STPG2: variants seen among roughly 807,000 people sequenced by gnomAD.
STPG2 encodes the protein sperm tail PG-rich repeat containing 2.
In STPG2, 56 loss-of-function variants were observed where a neutral mutation model predicts 54.2. That is an observed-to-expected ratio of 1.03 (90% CI 0.83 to 1.29). The LOEUF (loss-of-function observed/expected upper bound fraction) is 1.29. Among genes scored for constraint, STPG2 ranks in the 50% most tolerant of loss-of-function variants. STPG2 has a pLI of 0.00. For missense variants in STPG2, 596 were observed against 544.9 expected, an observed-to-expected ratio of 1.09 and a Z score of -0.93; for synonymous variants, 200 against 181.8, an observed-to-expected ratio of 1.10 and a Z score of -0.81.
chr4:97,662,260 C>T lies in STPG2; in HGVS notation c.1320+50439G>A, dbSNP rs544685232. Reference sequence around the variant, plus strand: ...TCTCAAAAGAAGACACACAAGCAGCCAACAAACATGAAAAAAATGCTCGAC... The same window carrying T: ...TCTCAAAAGAAGACACACAAGCAGCTAACAAACATGAAAAAAATGCTCGAC... On this transcript the variant is annotated intron_variant, in intron 10 of 10. Transcript: ENST00000295268. Among the ~76,000 whole-genome samples, 3 of 151,982 alleles carry T rather than the reference C, an allele frequency of 2.0e-5. No individual in the cohort carries two copies. In the South Asian group the frequency reaches 6.2e-4, roughly 32 times the overall value.
At chr4:97,545,638 C>G (rs1344525180) in intron 4 of STPG2, among the ~76,000 whole-genome samples, 3 of 151,946 alleles carry the variant, frequency 2.0e-5, no homozygotes, top group African/African-American at 7.3e-5. Context: ...CTATTCAATA[C>G]TTTCGTTAAT....
chr4:97,860,534 C>T (rs980177051), intron 8 of STPG2, among the ~76,000 whole-genome samples: 1 of 139,682 alleles, frequency 7.2e-6, no homozygotes, highest in Admixed American at 7.2e-5. Context: ...TATTTTATTG[C>T]AACTGTTGTA....
chr4:98,130,591 T>C (rs1468459792), intron 2 of STPG2, among the ~76,000 whole-genome samples: 1 of 152,134 alleles, frequency 6.6e-6, no homozygotes, highest in African/African-American at 2.4e-5. Context: ...CTTTCCCTCC[T>C]TTCCATATAT....
Position 98,128,605 on chromosome 4 carries a change from C to A in STPG2, c.223-13G>T. 1.3e-6 allele frequency: 2 copies of A among 1,549,248 alleles called. No homozygotes were observed. Among genetic ancestry groups the A allele is most frequent in the Admixed American group, 2.0e-5 (1 of 50,068 alleles). On this transcript the variant is annotated splice_polypyrimidine_tract_variant and intron_variant, in intron 2 of 10. Coordinates refer to ENST00000295268, the MANE Select transcript of STPG2 (RefSeq NM_174952.3). ...ATCTTGAAATTTTCTGCAAGGAAAA[C>A]ATTTTATATTATTTATTCCAAGGCA...
At chr4:97,921,926 A>G (rs1406803212) in intron 8 of STPG2, among the ~76,000 whole-genome samples, 2 of 152,220 alleles carry the variant, frequency 1.3e-5, no homozygotes, top group Admixed American at 1.3e-4. Context: ...AGATACAGAA[A>G]GACAAATTCT....
chr4:97,997,207 G>T (rs1233454568), intron 5 of STPG2, among the ~76,000 whole-genome samples: 1 of 152,180 alleles, frequency 6.6e-6, no homozygotes, highest in Non-Finnish European at 1.5e-5. Context: ...ATCAGTAGTG[G>T]ACTGGATGTA....
chr4:97,884,805 T>TA (rs1239093386), intron 8 of STPG2, among the ~76,000 whole-genome samples: 2 of 152,002 alleles, frequency 1.3e-5, no homozygotes, highest in Admixed American at 6.6e-5. Flanking sequence ...TAAACACTTC[T>TA]AAAAAACAAC....
At chr4:97,533,500 T>C (rs1353728090) in intron 4 of STPG2, among the ~76,000 whole-genome samples, 1 of 152,056 alleles carries the variant, frequency 6.6e-6, no homozygotes, top group African/African-American at 2.4e-5. Context: ...AATATAAACA[T>C]CCATATCACC....
At chr4:97,698,541 T>TGGAACTA (rs1404558228) in intron 10 of STPG2, among the ~76,000 whole-genome samples, 3 of 152,136 alleles carry the variant, frequency 2.0e-5, no homozygotes, top group Non-Finnish European at 4.4e-5. Context: ...CTAAGACCTC[T>TGGAACTA]AGGCTAGCAA....
At chr4:98,096,508 C>T (rs867970131) in intron 5 of STPG2, among the ~76,000 whole-genome samples, 19 of 152,078 alleles carry the variant, frequency 1.2e-4, no homozygotes, top group African/African-American at 4.1e-4. Flanking sequence ...TAAGCCCCTA[C>T]ACCAAAAAGT....
At chr4:97,520,759 C>G (rs1400573350) in intron 4 of STPG2, among the ~76,000 whole-genome samples, 1 of 151,838 alleles carries the variant, frequency 6.6e-6, no homozygotes, top group African/African-American at 2.4e-5. Flanking sequence ...TAGGCACTCA[C>G]GAGAAACACA....
intron 5 of STPG2, among the ~76,000 whole-genome samples, chr4:97,992,611 AT>A (rs1431608365): frequency 2.0e-5 from 3 of 151,682 alleles, no homozygotes; most frequent in Admixed American, 6.6e-5. Flanking sequence ...GAATTTTAGG[AT>A]TGTTTTTCCT....
intron 4 of STPG2, among the ~76,000 whole-genome samples, chr4:97,552,100 A>G (rs1731978904): frequency 6.6e-6 from 1 of 152,208 alleles, no homozygotes; most frequent in Middle Eastern, 3.2e-3. Context: ...TCTTACCTAC[A>G]TAAATAGAAA....
At position 97,943,954 on chromosome 4, in the gene STPG2, A is replaced by G; in HGVS notation, c.987T>C (p.Thr329=). The change falls in exon 8 of 11, where the codon ACT becomes ACC. Residue 329 remains threonine, a synonymous_variant. Coordinates refer to ENST00000295268, the MANE Select transcript of STPG2 (RefSeq NM_174952.3). ...TTGACAAGAAAGCAGCATATTTGTT[A>G]GTCAAGTTAGGTAATTCATCAGAAA... ...VGISDELPNL[T]NKYAAFLSRA... is the part of the protein sequence containing the mutation. The G allele has an allele frequency of 1.9e-6, 3 of 1,601,740 alleles. No homozygotes were observed. The highest frequency in any genetic ancestry group is 2.6e-6 in the Non-Finnish European group (3 of 1,176,390).
At chr4:98,098,228 G>C (rs1033287958) in intron 5 of STPG2, among the ~76,000 whole-genome samples, 1 of 151,804 alleles carries the variant, frequency 6.6e-6, no homozygotes, top group African/African-American at 2.4e-5. Flanking sequence ...CAATATTACA[G>C]AGCTACAGTA....
chr4:97,537,712 G>T (rs1249057204), intron 4 of STPG2, among the ~76,000 whole-genome samples: 1 of 152,164 alleles, frequency 6.6e-6, no homozygotes, highest in Non-Finnish European at 1.5e-5. Flanking sequence ...CTCCCAGCAT[G>T]CAGCTTGAGA....
In STPG2 at chr4:98,033,250, A is replaced by C. The variant is rs1736659838; in HGVS notation, c.613-51932T>G. On this transcript the variant is annotated intron_variant, in intron 5 of 10. Coordinates refer to ENST00000295268, the MANE Select transcript of STPG2 (RefSeq NM_174952.3). ...AAAGAGAGAAGAATCAAATAGATGCAATAAAAAATAATAAAGGGGATATCA... is the reference window on the plus strand; with the variant it reads ...AAAGAGAGAAGAATCAAATAGATGCCATAAAAAATAATAAAGGGGATATCA... Among the ~76,000 whole-genome samples, 3 of 152,192 alleles carry C rather than the reference A, an allele frequency of 2.0e-5. No homozygotes were observed. In the South Asian group the frequency reaches 6.2e-4, roughly 31 times the overall value.
rs890740380 is a variant in STPG2, at chr4:97,722,285, T to C, written c.1205-9471A>G. On this transcript the variant is annotated intron_variant, in intron 9 of 10. Coordinates refer to ENST00000295268, the MANE Select transcript of STPG2 (RefSeq NM_174952.3). ...TTTACAAGAGCCCTCACTCATGTAA[T>C]ATTTGCTTAAGCCTGGAGGGGAAAT... 2.0e-5 allele frequency among the ~76,000 whole-genome samples: 3 copies of C among 152,134 alleles called. 1 individual carries two copies. Among genetic ancestry groups the C allele is most frequent in the Non-Finnish European group, 4.4e-5 (3 of 67,982 alleles).
chr4:97,489,165 T>C (rs1730443661), intron 4 of STPG2, among the ~76,000 whole-genome samples: 1 of 151,844 alleles, frequency 6.6e-6, no homozygotes, highest in South Asian at 2.1e-4. Flanking sequence ...AAACGTGACT[T>C]GAACCTCCTT....
Sources: allele counts gnomAD v4.1 joint callset (sites outside exome capture counted in the v4.1 genomes callset), GRCh38; gene constraint gnomAD v4.1.1; transcripts MANE v1.5; gene names NCBI Gene and HGNC (gene_info 2026-07-23, HGNC 2026-07-21).